The following SOX6 variants were observed in gnomAD, a reference collection of about 807,000 sequenced individuals.
The protein encoded by SOX6 is SRY-box transcription factor 6, also known as transcription factor SOX-6.
Under a neutral mutation model 97.8 loss-of-function variants are expected in SOX6, and 11 were observed. The ratio of observed to expected loss-of-function variants is 0.11; its 90% CI spans 0.07 to 0.19. SOX6 has a LOEUF of 0.19. Ranked by LOEUF, SOX6 falls within the 10% of genes least tolerant of loss-of-function variation. SOX6 has a pLI of 1.00. For synonymous variants in SOX6, 360 were observed against 371.4 expected (o/e 0.97, Z 0.35); for missense variants, 810 against 1,039.5 (o/e 0.78, Z 3.04).
At chr11:16,314,795 T>C (rs1855712166) in intron 3 of SOX6, 1 of 152,238 alleles carries the variant, frequency 6.6e-6, no homozygotes, top group Non-Finnish European at 1.5e-5. Context: ...TACTTGGAGA[T>C]ATCTCAAAAT....
chr11:16,122,679 T>C lies in SOX6; in HGVS notation c.778-10756A>G, dbSNP rs985761724. 4.8e-4 allele frequency among the ~76,000 whole-genome samples: 73 copies of C among 152,054 alleles called. 1 individual carries two copies. Among genetic ancestry groups the C allele is most frequent in the African/African-American group, 1.5e-3 (63 of 41,428 alleles). On this transcript the variant is annotated intron_variant, in intron 6 of 15. Coordinates refer to ENST00000683767, the MANE Select transcript of SOX6 (RefSeq NM_001367873.1). ...AGAAATGCAGGTTTACATCTTAAACTATAGGCCTTGTTAAAATTATGCACA... is the reference window on the plus strand; with the variant it reads ...AGAAATGCAGGTTTACATCTTAAACCATAGGCCTTGTTAAAATTATGCACA...
chr11:16,641,485 T>C (rs1848912972), intron 3 of SOX6, among the ~76,000 whole-genome samples: 1 of 152,172 alleles, frequency 6.6e-6, no homozygotes, highest in Non-Finnish European at 1.5e-5. Flanking sequence ...CTCATTGATC[T>C]GTCTAATGTT....
At chr11:16,258,723 T>C (rs1452974487) in intron 3 of SOX6, among the ~76,000 whole-genome samples, 1 of 151,930 alleles carries the variant, frequency 6.6e-6, no homozygotes, top group East Asian at 1.9e-4. Context: ...CTCTGGGTGA[T>C]AATGATGTCA....
At chr11:16,166,898 C>T (rs1365437223) in intron 6 of SOX6, among the ~76,000 whole-genome samples, 2 of 152,040 alleles carry the variant, frequency 1.3e-5, no homozygotes, top group African/African-American at 2.4e-5. Flanking sequence ...TTAACTAGTA[C>T]AAAGTAAAGC....
At chr11:16,558,860 A>G (rs1847777507) in intron 4 of SOX6, among the ~76,000 whole-genome samples, 1 of 152,076 alleles carries the variant, frequency 6.6e-6, no homozygotes, top group Admixed American at 6.6e-5. Context: ...CAAAGTAAAA[A>G]ACAAAGCCAC....
chr11:16,349,703 AGGAAGGAAGGAAGAAG>A (rs1161276673), intron 1 of SOX6, among the ~76,000 whole-genome samples: 1,620 of 70,224 alleles, frequency 0.023, 31 homozygotes, highest in East Asian at 0.1. Flanking sequence ...GAAGGAAGGA[AGGAAGGAAGGAAGAAG>A]GAAGGAAGGA....
rs548527810 is a variant in SOX6 at position 16,067,398 on chromosome 11, A to G, written c.1102-11497T>C. Among the ~76,000 whole-genome samples the G allele has an allele frequency of 3.9e-5, 6 of 152,192 alleles. No individual in the cohort carries two copies. In the South Asian group the frequency reaches 1.2e-3, roughly 32 times the overall value. On this transcript the variant is annotated intron_variant, in intron 9 of 15. Transcript: ENST00000683767. ...CCGTGCTGTTCTCATGATAGTGAAT[A>G]AGTCTTGGGAGATCTGATGGTTTTA...
At chr11:16,497,234 C>G (rs1053029388) in intron 4 of SOX6, among the ~76,000 whole-genome samples, 1 of 152,170 alleles carries the variant, frequency 6.6e-6, no homozygotes, top group African/African-American at 2.4e-5. Context: ...CAGCAAACTC[C>G]AACAGACCTG....
chr11:16,108,040 G>A (rs544835198), intron 7 of SOX6, among the ~76,000 whole-genome samples: 16 of 151,952 alleles, frequency 1.1e-4, no homozygotes, highest in East Asian at 3.9e-4. Context: ...TAATTTTCAC[G>A]TCCACGTTGG....
intron 1 of SOX6, among the ~76,000 whole-genome samples, chr11:16,469,108 G>T (rs990542246): frequency 4.6e-5 from 7 of 151,500 alleles, no homozygotes; most frequent in Non-Finnish European, 1.0e-4. Flanking sequence ...TGTAAAATAG[G>T]CCATAATAAT....
chr11:16,390,113 C>A (rs893060595), intron 1 of SOX6, among the ~76,000 whole-genome samples: 1 of 151,208 alleles, frequency 6.6e-6, no homozygotes, highest in African/African-American at 2.4e-5. Context: ...CAATCCTGTT[C>A]GTGGATGGTT....
intron 7 of SOX6, among the ~76,000 whole-genome samples, chr11:16,104,159 C>T (rs183546982): frequency 8.2e-4 from 125 of 151,938 alleles, no homozygotes; most frequent in African/African-American, 2.7e-3. Flanking sequence ...GACCCCAACA[C>T]CGATTTAAAA....
At chr11:16,262,907 C>G (rs1018129256) in intron 3 of SOX6, among the ~76,000 whole-genome samples, 5 of 151,866 alleles carry the variant, frequency 3.3e-5, no homozygotes. Context: ...TGTGACAGTT[C>G]CAAACCTAAA....
chr11:16,230,383 T>C (rs1852812641), intron 4 of SOX6, among the ~76,000 whole-genome samples: 1 of 151,732 alleles, frequency 6.6e-6, no homozygotes, highest in African/African-American at 2.4e-5. Flanking sequence ...AACATATCTA[T>C]TGAAATATGA....
chr11:15,975,211 T>C (rs1234359031), intron 15 of SOX6, among the ~76,000 whole-genome samples: 1 of 152,214 alleles, frequency 6.6e-6, no homozygotes. Context: ...ATATAAAATA[T>C]TAGTTCCCTC....
At chr11:16,598,041 T>C (rs1235736788) in intron 4 of SOX6, among the ~76,000 whole-genome samples, 1 of 152,074 alleles carries the variant, frequency 6.6e-6, no homozygotes, top group Non-Finnish European at 1.5e-5. Flanking sequence ...AAAGCTGGAA[T>C]GGGAAGCCAG....
intron 6 of SOX6, among the ~76,000 whole-genome samples, chr11:16,170,092 T>G (rs1234151304): frequency 1.3e-5 from 2 of 152,102 alleles, no homozygotes; most frequent in African/African-American, 2.4e-5. Flanking sequence ...CTGTCTTTGT[T>G]GGGCTTCGAA....
At chr11:16,137,166 T>A (rs570049814) in intron 6 of SOX6, among the ~76,000 whole-genome samples, 17 of 152,204 alleles carry the variant, frequency 1.1e-4, no homozygotes, top group African/African-American at 4.1e-4. Context: ...CCGGGAGCAG[T>A]GGCTCATGCC....
At position 16,680,057 on chromosome 11, in the gene SOX6, C is replaced by A. The variant is rs552456728; in HGVS notation, n.429+34773G>T. Among the ~76,000 whole-genome samples the A allele has an allele frequency of 2.0e-5, 3 of 152,284 alleles. No homozygotes were observed. In the South Asian group the frequency reaches 6.2e-4, roughly 32 times the overall value. On this transcript the variant is annotated intron_variant and non_coding_transcript_variant, in intron 3 of 5. Transcript: ENST00000524520. ...CTCTTCAGGATATTATCCAGGAGAA[C>A]TTCCCCAACCTAGCAAGGCAGGCCA...
Sources: gnomAD v4.1 joint callset for allele counts (sites outside exome capture counted in the v4.1 genomes callset) on GRCh38, gnomAD v4.1.1 for gene constraint, MANE v1.5 for transcripts, NCBI Gene and HGNC (gene_info 2026-07-23, HGNC 2026-07-21) for gene names.